Variants in SLC24A3 observed in about 807,000 individuals in gnomAD.
The protein encoded by SLC24A3 is solute carrier family 24 member 3.
A neutral mutation model predicts 75.8 loss-of-function variants in SLC24A3; 28 were observed. The ratio of observed to expected loss-of-function variants is 0.37; its 90% CI spans 0.27 to 0.51. SLC24A3 has a LOEUF of 0.51. SLC24A3 is among the 20% of genes least tolerant of loss of function. The pLI, the probability that SLC24A3 is intolerant of heterozygous loss-of-function variation, is 0.94. For synonymous variants in SLC24A3, 372 were observed against 334.1 expected (o/e 1.11, Z -1.24); for missense variants, 663 against 847.8 (o/e 0.78, Z 2.71).
At chr20:19,653,101 T>G (rs2032226098) in intron 6 of SLC24A3, among the ~76,000 whole-genome samples, 2 of 152,184 alleles carry the variant, frequency 1.3e-5, no homozygotes, top group African/African-American at 2.4e-5. Context: ...AAATATCCCT[T>G]AATAAGAGAC....
chr20:19,587,068 A>G (rs2031308521), intron 6 of SLC24A3, among the ~76,000 whole-genome samples: 1 of 152,096 alleles, frequency 6.6e-6, no homozygotes, highest in African/African-American at 2.4e-5. Flanking sequence ...GAACAGTTGC[A>G]CCCAGCAGAA....
chr20:19,270,193 A>G (rs1983284690), intron 1 of SLC24A3, among the ~76,000 whole-genome samples: 1 of 152,138 alleles, frequency 6.6e-6, no homozygotes. Context: ...ATGTGTGTGT[A>G]CATTCACTTA....
chr20:19,437,445 T>C (rs1600229926), intron 2 of SLC24A3, among the ~76,000 whole-genome samples: 2 of 152,350 alleles, frequency 1.3e-5, no homozygotes, highest in Admixed American at 1.3e-4. Context: ...TGCGGAACTG[T>C]GAGTCAATGA....
chr20:19,535,320 C>T (rs1356680308), intron 3 of SLC24A3, among the ~76,000 whole-genome samples: 1 of 152,206 alleles, frequency 6.6e-6, no homozygotes, highest in Non-Finnish European at 1.5e-5. Flanking sequence ...CTGCCTTTCT[C>T]ATGTTTCTGT....
At chr20:19,639,583 T>C (rs1376065276) in intron 6 of SLC24A3, among the ~76,000 whole-genome samples, 1 of 152,224 alleles carries the variant, frequency 6.6e-6, no homozygotes, top group Non-Finnish European at 1.5e-5. Context: ...GATCCCGCAC[T>C]GGGGCTGCAG....
Position 19,224,121 on chromosome 20 carries a change from A to AGTGTGT in SLC24A3, c.142+11159_142+11164dup, listed in dbSNP as rs11470026. 9.9e-3 allele frequency among the ~76,000 whole-genome samples: 1,476 copies of AGTGTGT among 149,300 alleles called. 31 individuals are homozygous for AGTGTGT. Among genetic ancestry groups the AGTGTGT allele is most frequent in the African/African-American group, 0.035 (1,409 of 40,636 alleles). ...TGTACCCATGTGGTGTGAGTGTGTG[A>AGTGTGT]GTGTGTGTGTGTGTGTGTGTGTGTG... is the stretch of plus-strand genomic sequence containing the variant. On this transcript the variant is annotated intron_variant, in intron 1 of 16. Transcript: ENST00000328041.
At chr20:19,660,550 C>T (rs1185230175) in intron 7 of SLC24A3, among the ~76,000 whole-genome samples, 2 of 152,156 alleles carry the variant, frequency 1.3e-5, no homozygotes, top group Non-Finnish European at 2.9e-5. Context: ...GATGAATACT[C>T]AGGTTAGTTT....
chr20:19,265,571 T>C (rs1983142992), intron 1 of SLC24A3, among the ~76,000 whole-genome samples: 2 of 152,150 alleles, frequency 1.3e-5, no homozygotes, highest in Admixed American at 6.5e-5. Flanking sequence ...TCTCAGGTGC[T>C]CTTAGAAAAA....
At chr20:19,351,341 A>G (rs1985560590) in intron 2 of SLC24A3, among the ~76,000 whole-genome samples, 1 of 152,104 alleles carries the variant, frequency 6.6e-6, no homozygotes, top group East Asian at 1.9e-4. Flanking sequence ...TCACCTTCAC[A>G]TCATCAGCAG....
chr20:19,635,708 G>A (rs948372572), intron 6 of SLC24A3, among the ~76,000 whole-genome samples: 2 of 152,118 alleles, frequency 1.3e-5, no homozygotes, highest in African/African-American at 4.8e-5. Flanking sequence ...TCGAAGACTG[G>A]GCTCATCTAG....
At chr20:19,427,689 C>G (rs2122447148) in intron 2 of SLC24A3, among the ~76,000 whole-genome samples, 1 of 152,310 alleles carries the variant, frequency 6.6e-6, no homozygotes, top group East Asian at 1.9e-4. Flanking sequence ...GTCCTCCTCC[C>G]AGGCCTGTCC....
At chr20:19,655,950 C>A (rs1295198832) in intron 7 of SLC24A3, among the ~76,000 whole-genome samples, 77 of 151,904 alleles carry the variant, frequency 5.1e-4, no homozygotes, top group Non-Finnish European at 8.8e-5. Context: ...CTTAAGAGCC[C>A]TAACTAATAC....
chr20:19,402,676 ATCTT>A (rs1986574122), intron 2 of SLC24A3, among the ~76,000 whole-genome samples: 1 of 152,252 alleles, frequency 6.6e-6, no homozygotes, highest in South Asian at 2.1e-4. Flanking sequence ...AGCTGTAAAA[ATCTT>A]TCTCACTTCT....
rs6112345 is a variant in SLC24A3 at position 19,392,954 on chromosome 20, T to G, written c.271+111867T>G. Among the ~76,000 whole-genome samples the G allele has an allele frequency of 7.6e-3, 1,153 of 152,282 alleles. 10 individuals are homozygous for G. The highest frequency in any genetic ancestry group is 0.026 in the African/African-American group (1,094 of 41,562). ...AAGATCCTCTCTTATCTTGTCCATC[T>G]TTATGGCCAGAACAAAAATATACCT... On this transcript the variant is annotated intron_variant, in intron 2 of 16. Transcript: ENST00000328041.
chr20:19,719,648 A>T lies in SLC24A3; in HGVS notation c.1786-1343A>T, dbSNP rs2033081398. Among the ~76,000 whole-genome samples, 4 of 152,330 alleles carry T rather than the reference A, an allele frequency of 2.6e-5. No individual in the cohort carries two copies. The South Asian group carries it at 8.3e-4, about 32-fold the overall frequency. ...AAGGATGAGATGCCTGCTGAAAAGC[A>T]TGAATGACCCACTTAATGTCAGTGG... is the stretch of plus-strand genomic sequence containing the variant. On this transcript the variant is annotated intron_variant, in intron 16 of 16. Transcript: ENST00000328041.
At chr20:19,376,079 A>G (rs1336754452) in intron 2 of SLC24A3, among the ~76,000 whole-genome samples, 1 of 152,200 alleles carries the variant, frequency 6.6e-6, no homozygotes, top group Non-Finnish European at 1.5e-5. Flanking sequence ...TGAGAAGTAT[A>G]TGTGCAACTG....
intron 6 of SLC24A3, among the ~76,000 whole-genome samples, chr20:19,640,701 G>A (rs929296037): frequency 6.6e-6 from 1 of 152,204 alleles, no homozygotes. Context: ...AGTGAGCCGA[G>A]ATCATGCCAC....
intron 15 of SLC24A3, among the ~76,000 whole-genome samples, chr20:19,707,466 T>C (rs1007990465): frequency 6.6e-6 from 1 of 152,228 alleles, no homozygotes; most frequent in Non-Finnish European, 1.5e-5. Context: ...TGTAAGCTAT[T>C]GCAAACTTTT....
Position 19,473,640 on chromosome 20 carries a change from CCT to C in SLC24A3, c.272-41845_272-41844del, listed in dbSNP as rs563625841. Among the ~76,000 whole-genome samples, 45 of 152,360 alleles carry C rather than the reference CCT, an allele frequency of 3.0e-4. 1 individual carries two copies. The highest frequency in any genetic ancestry group is 2.8e-3 in the Admixed American group (43 of 15,304). On this transcript the variant is annotated intron_variant, in intron 2 of 16. Transcript: ENST00000328041. ...CTGAACCCCGGAAGCTGAATTCCAG[CCT>C]CTGAGCTCTCTCTGGCTTCATGAAC... is the stretch of plus-strand genomic sequence containing the variant.
Sources: allele counts gnomAD v4.1 joint callset (sites outside exome capture counted in the v4.1 genomes callset), GRCh38; gene constraint gnomAD v4.1.1; transcripts MANE v1.5; gene names NCBI Gene and HGNC (gene_info 2026-07-23, HGNC 2026-07-21).